Variants in G3BP1 observed in about 807,000 individuals in gnomAD.
G3BP1 encodes the protein ras GTPase-activating protein-binding protein 1.
A neutral mutation model predicts 58.6 loss-of-function variants in G3BP1; 35 were observed. The observed-to-expected ratio is 0.60, with a 90% confidence interval of 0.46 to 0.79. The LOEUF is 0.79. G3BP1 is among the 30% of genes least tolerant of loss of function. The pLI is 0.00. For missense variants in G3BP1, 523 were observed against 580.8 expected (o/e 0.90, Z 1.02); for synonymous variants, 191 against 195.4 (o/e 0.98, Z 0.19).
intron 1 of G3BP1, among the ~76,000 whole-genome samples, chr5:151,779,965 T>C (rs1762438357): frequency 6.6e-6 from 1 of 152,262 alleles, no homozygotes; most frequent in South Asian, 2.1e-4. Context: ...TATATGTACC[T>C]AGAAGAGAAC....
chr5:151,778,650 C>T (rs534434873), intron 1 of G3BP1, among the ~76,000 whole-genome samples: 157 of 152,120 alleles, frequency 1.0e-3, no homozygotes, highest in South Asian at 3.1e-3. Flanking sequence ...CCATGTTGGC[C>T]AAGCTAGTCT....
At chr5:151,788,838 C>G (rs1581576481) in intron 2 of G3BP1, among the ~76,000 whole-genome samples, 1 of 151,378 alleles carries the variant, frequency 6.6e-6, no homozygotes, top group East Asian at 1.9e-4. Context: ...AGTGCAGTGG[C>G]GCTATCTCGG....
chr5:151,795,269 C>T (rs1452429220), intron 5 of G3BP1, among the ~76,000 whole-genome samples: 1 of 152,160 alleles, frequency 6.6e-6, no homozygotes, highest in Non-Finnish European at 1.5e-5. Context: ...GAGAGCGAGA[C>T]TCCGTCTCAA....
intron 6 of G3BP1, among the ~76,000 whole-genome samples, chr5:151,795,805 A>G (rs946008120): frequency 3.9e-5 from 6 of 152,188 alleles, no homozygotes; most frequent in Non-Finnish European, 1.5e-5. Context: ...AAATAGTATC[A>G]GTTTCTTTTT....
At chr5:151,778,218 T>A (rs1762405846) in intron 1 of G3BP1, among the ~76,000 whole-genome samples, 1 of 152,174 alleles carries the variant, frequency 6.6e-6, no homozygotes, top group South Asian at 2.1e-4. Flanking sequence ...CCACCAGCGA[T>A]GTTTGGGGGG....
rs1031062960 is a variant in G3BP1 at position 151,810,588 on chromosome 5, T to C, written c.*6497T>C. 1 of 152,236 alleles carries C rather than the reference T, an allele frequency of 6.6e-6. No homozygotes were observed. The highest frequency in any genetic ancestry group is 1.5e-5 in the Non-Finnish European group (1 of 68,052). The allele number at this position is 152,236 out of a possible 1,614,324, so 9.4% of individuals were successfully genotyped here. ...TCAGTCTAGAATTAGAATTACATTA[T>C]CTGTTTTACTACTTTACTAGACTGT... On this transcript the variant is annotated 3_prime_UTR_variant, in exon 12 of 12. Coordinates refer to ENST00000356245, the MANE Select transcript of G3BP1 (RefSeq NM_005754.3).
At chr5:151,791,766 C>G (rs1762660353) in intron 4 of G3BP1, 1 of 193,788 alleles carries the variant, frequency 5.2e-6, no homozygotes, top group Non-Finnish European at 1.1e-5. Context: ...AGGCTGTCCT[C>G]CTGACTCAGC....
At chr5:151,777,664 T>A (rs1009583635) in intron 1 of G3BP1, among the ~76,000 whole-genome samples, 10 of 152,242 alleles carry the variant, frequency 6.6e-5, no homozygotes, top group African/African-American at 2.4e-4. Context: ...CCCAGATGTT[T>A]GAGGCTGCAG....
intron 7 of G3BP1, 87 bp from the exon 8 acceptor site, chr5:151,799,121 CGTTT>C: frequency 1.4e-6 from 1 of 730,314 alleles, no homozygotes; most frequent in Admixed American, 1.9e-5. Flanking sequence ...AATGTGTTAC[CGTTT>C]GTTCTGTACA....
chr5:151,780,545 C>T (rs1033087260), intron 1 of G3BP1, among the ~76,000 whole-genome samples: 6 of 152,140 alleles, frequency 3.9e-5, no homozygotes, highest in Non-Finnish European at 7.3e-5. Flanking sequence ...GAGTCTTGCT[C>T]ATTCGCCTAG....
intron 10 of G3BP1, 139 bp from the exon 11 acceptor site, chr5:151,800,621 C>A: frequency 1.6e-6 from 1 of 643,948 alleles, no homozygotes; most frequent in Non-Finnish European, 2.8e-6. Context: ...AGAGGCACAT[C>A]TCAATTCAGA....
chr5:151,795,200 C>T (rs1301007466), intron 5 of G3BP1, among the ~76,000 whole-genome samples: 5 of 152,100 alleles, frequency 3.3e-5, no homozygotes, highest in African/African-American at 4.8e-5. Context: ...GGCGTGAACC[C>T]AGGAGGTGGG....
In G3BP1 at chr5:151,788,572, ATGTGTGTGTGTGTG is replaced by A. The variant is rs10634385; in HGVS notation, c.96-1723_96-1710del. The stretch of plus-strand genomic sequence containing the variant: ...CACTACCATGCCCAGCTAAGTTTAT[ATGTGTGTGTGTGTG>A]TGTGTGTGTGTGTGTGTGTGTGTGT... On this transcript the variant is annotated intron_variant, in intron 2 of 11. Transcript: ENST00000356245. 7.5e-5 allele frequency among the ~76,000 whole-genome samples: 10 copies of A among 133,330 alleles called. No individual in the cohort carries two copies. In the South Asian group the frequency reaches 1.5e-3, roughly 20 times the overall value. The allele number at this position is 133,330 out of a possible 152,430, so 87.5% of individuals were successfully genotyped here.
rs1762940788 is a variant in G3BP1 at position 151,806,547 on chromosome 5, C to T, written c.*2456C>T. ...AATAGGATTAGCATCATGATCAGAA[C>T]TGTTGAGAATCCTTGTACAATTATG... On this transcript the variant is annotated 3_prime_UTR_variant, in exon 12 of 12. Transcript: ENST00000356245. 1 of 152,134 alleles carries T rather than the reference C, an allele frequency of 6.6e-6. No individual in the cohort carries two copies. The highest frequency in any genetic ancestry group is 2.4e-5 in the African/African-American group (1 of 41,432). The allele number at this position is 152,134 out of a possible 1,614,324, so 9.4% of individuals were successfully genotyped here. A position where few individuals can be genotyped will look rare whatever the true frequency, so the allele number is the denominator to read the frequency against.
At chr5:151,786,800 T>C (rs1481762009) in intron 2 of G3BP1, 85 bp downstream of exon 2, 5 of 853,118 alleles carry the variant, frequency 5.9e-6, no homozygotes, top group South Asian at 2.8e-5. Flanking sequence ...CATCATCTTA[T>C]GCTTTGTAGG....
intron 7 of G3BP1, among the ~76,000 whole-genome samples, 192 bp from the exon 8 acceptor site, chr5:151,799,020 C>A (rs1175269617): frequency 6.6e-6 from 1 of 152,006 alleles, no homozygotes; most frequent in East Asian, 1.9e-4. Context: ...GGTACTTGAT[C>A]ATCAGTCCCA....
chr5:151,792,492 G>A (rs955319791), intron 4 of G3BP1, among the ~76,000 whole-genome samples: 5 of 152,222 alleles, frequency 3.3e-5, no homozygotes, highest in Admixed American at 2.0e-4. Context: ...TGAATTACAG[G>A]TTTAATTACA....
intron 11 of G3BP1, among the ~76,000 whole-genome samples, chr5:151,801,998 G>T (rs563307412): frequency 1.1e-3 from 167 of 151,982 alleles, no homozygotes; most frequent in Middle Eastern, 0.01. Context: ...TGTATTTTTA[G>T]TAGACATGGG....
chr5:151,800,024 C>A, intron 9 of G3BP1, 24 bp downstream of exon 9: 1 of 1,460,666 alleles, frequency 6.8e-7, no homozygotes, highest in Non-Finnish European at 9.5e-7. Context: ...AGGGCGATTT[C>A]TCGTTTGGGG....
Sources: gnomAD v4.1 joint callset for allele counts (sites outside exome capture counted in the v4.1 genomes callset) on GRCh38, gnomAD v4.1.1 for gene constraint, MANE v1.5 for transcripts, NCBI Gene and HGNC (gene_info 2026-07-23, HGNC 2026-07-21) for gene names.